JAK2: variants seen among roughly 807,000 people sequenced by gnomAD.
The protein encoded by JAK2 is Janus kinase 2.
A neutral mutation model predicts 139.3 loss-of-function variants in JAK2; 86 were observed. The ratio of observed to expected loss-of-function variants is 0.62; its 90% confidence interval spans 0.52 to 0.74. The LOEUF is 0.74. Ranked by LOEUF, JAK2 falls within the 30% of genes least tolerant of loss-of-function variation. The pLI, the probability that JAK2 is intolerant of heterozygous loss-of-function variation, is 0.00. For synonymous variants in JAK2, 490 were observed against 437.7 expected (o/e 1.12, Z -1.49); for missense variants, 1,421 against 1,360.3 (o/e 1.04, Z -0.70).
chr9:5,083,210 A>G (rs1819836539), intron 19 of JAK2, among the ~76,000 whole-genome samples: 1 of 152,088 alleles, frequency 6.6e-6, no homozygotes, highest in Non-Finnish European at 1.5e-5. Context: ...GGGAGAATTA[A>G]TCTTATTGCT....
chr9:5,013,772 T>TA (rs1361857149), intron 2 of JAK2, among the ~76,000 whole-genome samples: 2 of 152,220 alleles, frequency 1.3e-5, no homozygotes, highest in Middle Eastern at 3.2e-3. Context: ...TTGTAGCACT[T>TA]AATTTTTAAA....
At chr9:5,025,537 C>CTT (rs1241140788) in intron 3 of JAK2, among the ~76,000 whole-genome samples, 1 of 120,752 alleles carries the variant, frequency 8.3e-6, no homozygotes, top group Admixed American at 8.0e-5. Flanking sequence ...GAGTTTGTTT[C>CTT]CTTTTTTTTT....
At chr9:5,037,712 G>T (rs1443791037) in intron 4 of JAK2, among the ~76,000 whole-genome samples, 4 of 152,168 alleles carry the variant, frequency 2.6e-5, no homozygotes, top group Admixed American at 2.6e-4. Context: ...GTTCTGGGGT[G>T]GGGGGATGGA....
chr9:5,047,966 T>C (rs964435881), intron 5 of JAK2, among the ~76,000 whole-genome samples: 5 of 152,194 alleles, frequency 3.3e-5, no homozygotes, highest in African/African-American at 1.2e-4. Context: ...ATTTAAGGAA[T>C]AGTATTTATT....
chr9:5,080,554 A>G lies in JAK2; in HGVS notation c.2305A>G (p.Arg769Gly), dbSNP rs1289411223. Reference sequence around the variant, plus strand: ...ATAGAAGCTACAATTTTATGAAGATAGGCATCAGCTTCCTGCACCAAAGTG... The same window carrying G: ...ATAGAAGCTACAATTTTATGAAGATGGGCATCAGCTTCCTGCACCAAAGTG... Reference protein sequence around the residue: ...SQRKLQFYEDRHQLPAPKWAE... With the variant: ...SQRKLQFYEDGHQLPAPKWAE... Residue 769 changes from arginine (R) to glycine (G), a missense_variant, in exon 18 of 25, where the codon AGG becomes GGG. Transcript: ENST00000381652. The G allele has an allele frequency of 6.3e-7, 1 of 1,594,050 alleles. No individual in the cohort carries two copies. The highest frequency in any genetic ancestry group is 1.2e-5 in the South Asian group (1 of 85,816).
intron 10 of JAK2, among the ~76,000 whole-genome samples, chr9:5,068,631 A>C (rs1403373829): frequency 6.6e-6 from 1 of 152,212 alleles, no homozygotes; most frequent in East Asian, 1.9e-4. Context: ...ATATGGCTGG[A>C]ACGTAGGTTG....
At chr9:5,003,054 A>T (rs1191959568) in intron 2 of JAK2, among the ~76,000 whole-genome samples, 4 of 151,954 alleles carry the variant, frequency 2.6e-5, no homozygotes, top group African/African-American at 9.7e-5. Flanking sequence ...GTATGTGAGT[A>T]TGTTTTTTTG....
At chr9:5,098,195 C>A (rs1029229963) in intron 22 of JAK2, 2 of 152,126 alleles carry the variant, frequency 1.3e-5, no homozygotes, top group Non-Finnish European at 2.9e-5. Flanking sequence ...CTACATTAAA[C>A]CCTTAAATGA....
intron 4 of JAK2, chr9:5,040,884 C>G (rs1366794021): frequency 1.4e-5 from 4 of 286,020 alleles, no homozygotes; most frequent in African/African-American, 4.6e-5. Flanking sequence ...ATCCGCGCCG[C>G]GCTGCTGAAG....
intron 2 of JAK2, among the ~76,000 whole-genome samples, chr9:5,017,980 G>T (rs914566879): frequency 2.6e-5 from 4 of 152,118 alleles, no homozygotes; most frequent in African/African-American, 9.7e-5. Context: ...TTCAGTCTAT[G>T]TGTATCTTTA....
chr9:5,008,075 G>C (rs569915859), intron 2 of JAK2, among the ~76,000 whole-genome samples: 1 of 152,148 alleles, frequency 6.6e-6, no homozygotes, highest in Non-Finnish European at 1.5e-5. Context: ...AATAACATGA[G>C]TGGGTAATGG....
At position 5,072,379 on chromosome 9, in the gene JAK2, G is replaced by A. The variant is rs373135034; in HGVS notation, c.1642-113G>A. 3.9e-4 allele frequency: 267 copies of A among 692,588 alleles called. 1 individual carries two copies. The African/African-American group carries it at 4.5e-3, about 12-fold the overall frequency. The allele number at this position is 692,588 out of a possible 1,614,324, so 42.9% of individuals were successfully genotyped here. A position where few individuals can be genotyped will look rare whatever the true frequency, so the allele number is the denominator to read the frequency against. ...CTTAAATCTGGATTTAGATTCTAAG[G>A]AAAATACTTGCTTATGGATTTAAAA... is the stretch of plus-strand genomic sequence containing the variant. On this transcript the variant is annotated intron_variant, in intron 12 of 24. Transcript: ENST00000381652.
intron 14 of JAK2, among the ~76,000 whole-genome samples, chr9:5,074,715 T>C (rs1819196526): frequency 6.6e-6 from 1 of 152,172 alleles, no homozygotes; most frequent in African/African-American, 2.4e-5. Flanking sequence ...AATGTTCAAG[T>C]GAAAGGAAGA....
chr9:5,076,946 A>T lies in JAK2; in HGVS notation c.1865-507A>T, dbSNP rs10815152. 8.2e-3 allele frequency among the ~76,000 whole-genome samples: 697 copies of T among 85,278 alleles called. 9 individuals are homozygous for T. In the East Asian group the frequency reaches 0.087, roughly 11 times the overall value. 55.9% of individuals were successfully genotyped at this position (85,278 alleles called of 152,430 possible). A position where few individuals can be genotyped will look rare whatever the true frequency, so the allele number is the denominator to read the frequency against. ...CAAAATATGTTTTATATATTTTTTT[A>T]AAAAAGTTTTAAAGATAAAGCAGCG... On this transcript the variant is annotated intron_variant, in intron 14 of 24. Coordinates refer to ENST00000381652, the MANE Select transcript of JAK2 (RefSeq NM_004972.4).
intron 12 of JAK2, among the ~76,000 whole-genome samples, chr9:5,072,213 C>T (rs570725260): frequency 6.6e-6 from 1 of 152,280 alleles, no homozygotes; most frequent in African/African-American, 2.4e-5. Context: ...AACACTGACT[C>T]TATTTTTAAA....
intron 4 of JAK2, among the ~76,000 whole-genome samples, chr9:5,034,906 TAGAG>T (rs1319752159): frequency 2.0e-5 from 3 of 151,944 alleles, no homozygotes; most frequent in East Asian, 1.9e-4. Context: ...CTGAAGGACA[TAGAG>T]AGACAAAAAA....
intron 4 of JAK2, among the ~76,000 whole-genome samples, chr9:5,034,947 G>A (rs949153288): frequency 2.0e-5 from 3 of 152,092 alleles, no homozygotes; most frequent in Non-Finnish European, 4.4e-5. Flanking sequence ...ATGAATGCTG[G>A]AGCTGGTGTT....
At chr9:5,023,254 T>TA (rs1395845693) in intron 3 of JAK2, among the ~76,000 whole-genome samples, 1 of 152,242 alleles carries the variant, frequency 6.6e-6, no homozygotes, top group Non-Finnish European at 1.5e-5. Context: ...GAGAACTTGT[T>TA]ATATTTGTCT....
At chr9:5,068,945 A>G in intron 10 of JAK2, 77 bp from the exon 11 acceptor site, 1 of 790,888 alleles carries the variant, frequency 1.3e-6, no homozygotes, top group Non-Finnish European at 2.0e-6. Flanking sequence ...TGTTCTTGTG[A>G]TATCATTTTG....
Sources: gnomAD v4.1 joint callset for allele counts (sites outside exome capture counted in the v4.1 genomes callset) on GRCh38, gnomAD v4.1.1 for gene constraint, MANE v1.5 for transcripts, NCBI Gene and HGNC (gene_info 2026-07-23, HGNC 2026-07-21) for gene names.